The following CBFA2T3 variants were observed in gnomAD, a reference collection of about 807,000 sequenced individuals.
CBFA2T3 encodes the protein transcriptional corepressor CBFA2T3.
CBFA2T3 carries 31 observed loss-of-function variants against 58.6 expected under a neutral mutation model. The ratio of observed to expected loss-of-function variants is 0.53; its 90% CI spans 0.40 to 0.71. The LOEUF is 0.71. Ranked by LOEUF, CBFA2T3 falls within the 30% of genes least tolerant of loss-of-function variation. The pLI is 0.00. For missense variants in CBFA2T3, 1,076 were observed against 963.1 expected, an observed-to-expected ratio of 1.12 and a Z score of -1.55; for synonymous variants, 531 against 421.9, an observed-to-expected ratio of 1.26 and a Z score of -3.17.
At chr16:88,929,014 C>T (rs1971182646) in intron 1 of CBFA2T3, among the ~76,000 whole-genome samples, 1 of 152,188 alleles carries the variant, frequency 6.6e-6, no homozygotes, top group Non-Finnish European at 1.5e-5. Context: ...CCCACGAGGA[C>T]CTCGGCTCCG....
In CBFA2T3 at chr16:88,877,980, C is replaced by T. The variant is rs1001334946; in HGVS notation, c.1663-705G>A. ...GCCTCCAAAGCCTCTGGTACCACCTCCCACCCCACCTCGCCCTCACTGCCA... is the reference window on the plus strand; with the variant it reads ...GCCTCCAAAGCCTCTGGTACCACCTTCCACCCCACCTCGCCCTCACTGCCA... On this transcript the variant is annotated intron_variant, in intron 11 of 11. Coordinates refer to ENST00000268679, the MANE Select transcript of CBFA2T3 (RefSeq NM_005187.6). Among the ~76,000 whole-genome samples the T allele has an allele frequency of 2.0e-5, 3 of 152,230 alleles. No homozygotes were observed. The East Asian group carries it at 5.8e-4, about 29-fold the overall frequency.
At chr16:88,897,208 C>T (rs1195403467) in intron 3 of CBFA2T3, among the ~76,000 whole-genome samples, 2 of 152,222 alleles carry the variant, frequency 1.3e-5, no homozygotes, top group Non-Finnish European at 2.9e-5. Flanking sequence ...AGCCACTGTC[C>T]AGGAGCTGCA....
chr16:88,906,788 C>T (rs1267735302), intron 1 of CBFA2T3, among the ~76,000 whole-genome samples: 1 of 152,180 alleles, frequency 6.6e-6, no homozygotes, highest in Non-Finnish European at 1.5e-5. Flanking sequence ...TCTCAGAGCC[C>T]AGAAGCACCA....
At chr16:88,936,810 C>T (rs1971516457) in intron 1 of CBFA2T3, 1 of 152,296 alleles carries the variant, frequency 6.6e-6, no homozygotes, top group African/African-American at 2.4e-5. Context: ...ACAGGAAACT[C>T]ATTGCCACAG....
chr16:88,895,353 T>A (rs1468196397), intron 3 of CBFA2T3, among the ~76,000 whole-genome samples: 1 of 152,194 alleles, frequency 6.6e-6, no homozygotes, highest in East Asian at 1.9e-4. Flanking sequence ...ACCCGTGGTC[T>A]AGTGGCACCT....
At chr16:88,932,026 G>A (rs866642976) in intron 1 of CBFA2T3, among the ~76,000 whole-genome samples, 24 of 152,174 alleles carry the variant, frequency 1.6e-4, no homozygotes, top group African/African-American at 5.1e-4. Flanking sequence ...TACCCCACAC[G>A]CATGCACACG....
intron 5 of CBFA2T3, 84 bp downstream of exon 5, chr16:88,891,798 C>T (rs1969641368): frequency 1.1e-6 from 1 of 947,154 alleles, no homozygotes; most frequent in South Asian, 1.4e-5. Flanking sequence ...CCCGCCTGTC[C>T]ACCGCTGTCC....
chr16:88,924,537 T>C (rs2142746626), intron 1 of CBFA2T3, among the ~76,000 whole-genome samples: 1 of 151,358 alleles, frequency 6.6e-6, no homozygotes, highest in Non-Finnish European at 1.5e-5. Flanking sequence ...CAGTGGTGGC[T>C]GCGGGGGCCA....
rs567030829 is a variant in CBFA2T3, at chr16:88,922,823, C to G, written c.152-21167G>C. Among the ~76,000 whole-genome samples the G allele has an allele frequency of 1.4e-4, 21 of 152,352 alleles. No individual in the cohort carries two copies. The South Asian group carries it at 3.3e-3, about 24-fold the overall frequency. The stretch of plus-strand genomic sequence containing the variant: ...CCCCTGCGTGGTTTCACATGGCCAA[C>G]AAAATACTAACTCATTTAACCTCGG... On this transcript the variant is annotated intron_variant, in intron 1 of 11. Transcript: ENST00000268679.
At chr16:88,951,016 G>C (rs1972054393) in intron 1 of CBFA2T3, 1 of 432,050 alleles carries the variant, frequency 2.3e-6, no homozygotes, top group Admixed American at 2.5e-5. Flanking sequence ...CCCTCGCCTG[G>C]ACCGGCACCG....
At chr16:88,889,076 G>A (rs1291930357) in intron 5 of CBFA2T3, among the ~76,000 whole-genome samples, 1 of 151,846 alleles carries the variant, frequency 6.6e-6, no homozygotes, top group African/African-American at 2.4e-5. Context: ...CTGAGGCTGG[G>A]GGCATCTGTT....
At chr16:88,923,605 G>C (rs1431036122) in intron 1 of CBFA2T3, among the ~76,000 whole-genome samples, 5 of 152,256 alleles carry the variant, frequency 3.3e-5, no homozygotes, top group Admixed American at 6.5e-5. Flanking sequence ...GGTTGTGAAG[G>C]GGCTGCAGGC....
chr16:88,935,162 C>T (rs1353503171), intron 1 of CBFA2T3, among the ~76,000 whole-genome samples: 2 of 152,218 alleles, frequency 1.3e-5, no homozygotes, highest in South Asian at 2.1e-4. Flanking sequence ...GGCACAGCCA[C>T]GGCCCAGAGA....
chr16:88,879,006 G>A (rs1284763111), intron 11 of CBFA2T3, among the ~76,000 whole-genome samples: 1 of 152,188 alleles, frequency 6.6e-6, no homozygotes, highest in Non-Finnish European at 1.5e-5. Context: ...TCCCAAGGCC[G>A]TGACCTCAGA....
At chr16:88,935,644 C>A (rs1971473401) in intron 1 of CBFA2T3, among the ~76,000 whole-genome samples, 1 of 152,188 alleles carries the variant, frequency 6.6e-6, no homozygotes, top group African/African-American at 2.4e-5. Context: ...TCGAGGTGGT[C>A]TCTCTGGACC....
At chr16:88,883,783 G>A (rs962963237) in intron 7 of CBFA2T3, 2 of 151,382 alleles carry the variant, frequency 1.3e-5, no homozygotes, top group African/African-American at 4.9e-5. Context: ...CTGTGCCCAC[G>A]GGAGACGTGA....
In CBFA2T3 at chr16:88,879,346, C is replaced by T. The variant is rs552015620; in HGVS notation, c.1586G>A (p.Arg529Gln). 5.8e-5 allele frequency: 93 copies of T among 1,612,522 alleles called. No homozygotes were observed. Among genetic ancestry groups the T allele is most frequent in the South Asian group, 5.3e-4 (48 of 91,072 alleles). ...CTGCCGCTTCGCCTCGGCCAGGGCC[C>T]GCTCCATCTTGGCACGCTCCGTGGT... Reference protein sequence around the residue: ...LITTERAKMERALAEAKRQAS... With the variant: ...LITTERAKMEQALAEAKRQAS... Residue 529 changes from arginine (R) to glutamine (Q), a missense_variant, in exon 11 of 12, where the codon CGG becomes CAG. Transcript: ENST00000268679.
At position 88,977,115 on chromosome 16, in the gene CBFA2T3, GGGCC is replaced by G. The variant is rs1367856602; in HGVS notation, c.-312_-309del. 1 of 331,288 alleles carries G rather than the reference GGGCC, an allele frequency of 3.0e-6. No homozygotes were observed. Among genetic ancestry groups the G allele is most frequent in the African/African-American group, 2.1e-5 (1 of 48,598 alleles). 20.5% of individuals were successfully genotyped at this position (331,288 alleles called of 1,614,324 possible). The stretch of plus-strand genomic sequence containing the variant: ...CAGCTGTGTCCCCGTGATAATGCCG[GGGCC>G]GGAGGCCTGCAGCTGCGCCCGCCAC... On this transcript the variant is annotated 5_prime_UTR_variant, in exon 1 of 12. The change creates a premature stop within an existing upstream ORF in the 5' untranslated region. Transcript: ENST00000268679.
intron 5 of CBFA2T3, 49 bp from the exon 6 acceptor site, chr16:88,886,191 C>T (rs901421992): frequency 7.2e-7 from 1 of 1,393,726 alleles, no homozygotes. Context: ...GGTGCACAGC[C>T]CTGCTCAGGT....
Sources: allele counts gnomAD v4.1 joint callset (sites outside exome capture counted in the v4.1 genomes callset), GRCh38; gene constraint gnomAD v4.1.1; transcripts MANE v1.5; gene names NCBI Gene and HGNC (gene_info 2026-07-23, HGNC 2026-07-21).